Variants in UGGT1 observed in about 807,000 individuals in gnomAD.
UGGT1 encodes UDP-glucose glycoprotein glucosyltransferase 1.
In UGGT1, 107 loss-of-function variants were observed where a neutral mutation model predicts 203.9. The ratio of observed to expected loss-of-function variants is 0.52; its 90% CI spans 0.45 to 0.62. The LOEUF (loss-of-function observed/expected upper bound fraction) is 0.62. UGGT1 is among the 20% of genes least tolerant of loss of function. The pLI, the probability that UGGT1 is intolerant of heterozygous loss-of-function variation, is 0.00. For synonymous variants in UGGT1, 628 were observed against 653.5 expected, an observed-to-expected ratio of 0.96 and a Z score of 0.59; for missense variants, 1,673 against 1,867.2, an observed-to-expected ratio of 0.90 and a Z score of 1.92.
chr2:128,169,311 C>CA (rs1325462642), intron 26 of UGGT1, among the ~76,000 whole-genome samples: 1 of 152,070 alleles, frequency 6.6e-6, no homozygotes, highest in Non-Finnish European at 1.5e-5. Context: ...TTAGAGGCTT[C>CA]AGTGAACCAT....
chr2:128,155,170 T>G (rs1690167869), intron 19 of UGGT1, among the ~76,000 whole-genome samples: 1 of 152,178 alleles, frequency 6.6e-6, no homozygotes, highest in South Asian at 2.1e-4. Context: ...AGAAATGAGT[T>G]AAGGGGATCT....
intron 38 of UGGT1, among the ~76,000 whole-genome samples, chr2:128,186,082 TC>T (rs1691968284): frequency 6.6e-6 from 1 of 152,234 alleles, no homozygotes; most frequent in Non-Finnish European, 1.5e-5. Context: ...GGAGTATTTT[TC>T]TCAGGATTGC....
At chr2:128,129,325 T>C (rs1688764878) in intron 13 of UGGT1, 146 bp downstream of exon 13, 1 of 979,190 alleles carries the variant, frequency 1.0e-6, no homozygotes, top group Admixed American at 3.4e-5. Context: ...TGGGACTTTG[T>C]GTATGTAATA....
At chr2:128,142,928 C>T (rs532617437) in intron 16 of UGGT1, among the ~76,000 whole-genome samples, 166 bp from the exon 17 acceptor site, 2 of 150,870 alleles carry the variant, frequency 1.3e-5, no homozygotes, top group African/African-American at 2.4e-5. Flanking sequence ...TTCAGTGAGC[C>T]GAGATTGTGC....
At chr2:128,133,026 A>G (rs1688956218) in intron 13 of UGGT1, 115 bp from the exon 14 acceptor site, 7 of 1,304,960 alleles carry the variant, frequency 5.4e-6, no homozygotes, top group Admixed American at 4.1e-5. Context: ...ATCTTTGAAA[A>G]TGGTCTTGTC....
At chr2:128,152,314 C>T (rs1690012794) in intron 18 of UGGT1, among the ~76,000 whole-genome samples, 2 of 152,136 alleles carry the variant, frequency 1.3e-5, no homozygotes, top group Admixed American at 1.3e-4. Flanking sequence ...ATTACCGGCA[C>T]CTGCCACCAT....
At chr2:128,136,185 G>A (rs1471447943) in intron 15 of UGGT1, among the ~76,000 whole-genome samples, 1 of 152,200 alleles carries the variant, frequency 6.6e-6, no homozygotes, top group Non-Finnish European at 1.5e-5. Context: ...AGGAGCTCAT[G>A]TGGTCCTGCA....
rs1463019747 is a variant in UGGT1, at chr2:128,138,866, C to T, written c.1719+14C>T. ...ACTCTGACACATGTACGTTTTTGTT[C>T]AGAATGGCAAATAATTTTTTCAGAT... is the stretch of plus-strand genomic sequence containing the variant. On this transcript the variant is annotated intron_variant, in intron 16 of 40. Transcript: ENST00000259253. 2.5e-6 allele frequency: 4 copies of T among 1,610,970 alleles called. No homozygotes were observed. Among genetic ancestry groups the T allele is most frequent in the Non-Finnish European group, 3.4e-6 (4 of 1,179,198 alleles).
intron 19 of UGGT1, among the ~76,000 whole-genome samples, chr2:128,153,115 ATCT>A (rs34285234): frequency 0.42 from 64,080 of 151,702 alleles, 13,809 homozygotes; most frequent in East Asian, 0.64. Flanking sequence ...AGAAGAAAAC[ATCT>A]TCTGGGCAAA....
intron 25 of UGGT1, among the ~76,000 whole-genome samples, chr2:128,162,061 T>C (rs1690552311): frequency 6.6e-6 from 1 of 152,174 alleles, no homozygotes; most frequent in African/African-American, 2.4e-5. Context: ...CTTTTTATAA[T>C]AGCCATCCTC....
chr2:128,176,184 A>T, intron 31 of UGGT1, among the ~76,000 whole-genome samples: 1 of 152,002 alleles, frequency 6.6e-6, no homozygotes, highest in East Asian at 1.9e-4. Flanking sequence ...GAGGCCGAGG[A>T]GGGTGGATCA....
At chr2:128,168,199 C>CTCA (rs1690891058) in intron 26 of UGGT1, among the ~76,000 whole-genome samples, 1 of 152,182 alleles carries the variant, frequency 6.6e-6, no homozygotes, top group Non-Finnish European at 1.5e-5. Flanking sequence ...TGGATCCTGA[C>CTCA]TTGCTTCTCA....
intron 19 of UGGT1, among the ~76,000 whole-genome samples, chr2:128,155,181 C>G (rs963715174): frequency 3.9e-5 from 6 of 152,164 alleles, no homozygotes; most frequent in East Asian, 1.9e-4. Context: ...AAGGGGATCT[C>G]TTTGAGATTG....
At position 128,178,489 on chromosome 2, in the gene UGGT1, T is replaced by C. The variant is rs1691513630; in HGVS notation, c.3735T>C (p.Thr1245=). ...ATAGGGGCTTTACAGGACAGAAGACTGAGGAAGTGAAGCAAGATAAAGATG... is the reference window on the plus strand; with the variant it reads ...ATAGGGGCTTTACAGGACAGAAGACCGAGGAAGTGAAGCAAGATAAAGATG... ...SFKWGFTGQK[T]EEVKQDKDDI... is the part of the protein sequence containing the mutation. Residue 1245 remains threonine (T), a synonymous_variant, in exon 34 of 41, where the codon ACT becomes ACC. Coordinates refer to ENST00000259253, the MANE Select transcript of UGGT1 (RefSeq NM_020120.4). 6.2e-7 allele frequency: 1 copy of C among 1,613,762 alleles called. No homozygotes were observed. The highest frequency in any genetic ancestry group is 1.3e-5 in the African/African-American group (1 of 74,928).
intron 12 of UGGT1, among the ~76,000 whole-genome samples, chr2:128,128,095 A>T (rs965891219): frequency 6.6e-6 from 1 of 152,034 alleles, no homozygotes; most frequent in African/African-American, 2.4e-5. Context: ...AACAAAAAAA[A>T]ACTGTCTCTT....
intron 4 of UGGT1, 25 bp from the exon 5 acceptor site, chr2:128,109,609 G>T: frequency 6.4e-7 from 1 of 1,565,020 alleles, no homozygotes; most frequent in Non-Finnish European, 8.8e-7. Context: ...AATTTAAAAA[G>T]TATGTGTTGT....
chr2:128,094,705 A>G (rs1331126824), intron 1 of UGGT1, among the ~76,000 whole-genome samples: 1 of 147,982 alleles, frequency 6.8e-6, no homozygotes. Flanking sequence ...GCCTGTGGGA[A>G]AGGGTGTCTA....
At chr2:128,185,424 C>A (rs938070599) in intron 38 of UGGT1, among the ~76,000 whole-genome samples, 1 of 150,768 alleles carries the variant, frequency 6.6e-6, no homozygotes, top group African/African-American at 2.4e-5. Flanking sequence ...CCCACCTTGG[C>A]CTCCCAAAGT....
intron 16 of UGGT1, among the ~76,000 whole-genome samples, chr2:128,140,702 A>G (rs1247856060): frequency 2.6e-5 from 4 of 152,096 alleles, no homozygotes; most frequent in Non-Finnish European, 5.9e-5. Flanking sequence ...TTTTAGAGAC[A>G]GGATCTCACT....
Sources: allele counts gnomAD v4.1 joint callset (sites outside exome capture counted in the v4.1 genomes callset), GRCh38; gene constraint gnomAD v4.1.1; transcripts MANE v1.5; gene names NCBI Gene and HGNC (gene_info 2026-07-23, HGNC 2026-07-21).